Variants in ZNF444 observed in about 807,000 individuals in gnomAD.
The protein encoded by ZNF444 is zinc finger protein 444.
In ZNF444, 8 loss-of-function variants were observed where a neutral mutation model predicts 14.4. The ratio of observed to expected loss-of-function variants is 0.56; its 90% CI spans 0.33 to 1.00. The LOEUF (loss-of-function observed/expected upper bound fraction) is 1.00. Ranked by LOEUF, ZNF444 falls within the 50% of genes least tolerant of loss-of-function variation. The probability of loss-of-function intolerance (pLI) is 0.03; values close to 1 mark genes in which losing one functional copy is unlikely to be tolerated. For synonymous variants in ZNF444, 258 were observed against 235.9 expected (o/e 1.09, Z -0.86); for missense variants, 510 against 504.8 (o/e 1.01, Z -0.10).
intron 1 of ZNF444, among the ~76,000 whole-genome samples, chr19:56,133,565 C>G (rs2030540579): frequency 1.3e-5 from 2 of 151,384 alleles, no homozygotes. Context: ...GTAATCCCAG[C>G]ACTTCGGGAG....
At chr19:56,150,316 C>T (rs1347711318) in intron 3 of ZNF444, 4 of 233,832 alleles carry the variant, frequency 1.7e-5, no homozygotes, top group South Asian at 5.5e-5. Context: ...ATCTTCCATT[C>T]GGGGATGCAG....
chr19:56,159,649 G>A lies in ZNF444; in HGVS notation c.432G>A (p.Gly144=). The A allele has an allele frequency of 1.4e-6, 2 of 1,457,678 alleles. No individual in the cohort carries two copies. Among genetic ancestry groups the A allele is most frequent in the Middle Eastern group, 1.9e-4 (1 of 5,248 alleles). 90.3% of individuals were successfully genotyped at this position (1,457,678 alleles called of 1,614,324 possible). ...PLAGTAPGAE[G]PAPGDSQAVR... ...CAGGCACCGCCCCTGGGGCTGAGGGGCCGGCGCCTGGGGACTCCCAGGCTG... is the reference window on the plus strand; with the variant it reads ...CAGGCACCGCCCCTGGGGCTGAGGGACCGGCGCCTGGGGACTCCCAGGCTG... The change falls in exon 5 of 5, where the codon GGG becomes GGA. Residue 144 remains glycine, a synonymous_variant. Coordinates refer to ENST00000337080, the MANE Select transcript of ZNF444 (RefSeq NM_018337.4).
intron 1 of ZNF444, among the ~76,000 whole-genome samples, chr19:56,133,218 G>A (rs1185911040): frequency 4.9e-5 from 7 of 142,440 alleles, no homozygotes; most frequent in African/African-American, 1.8e-4. Context: ...GATTACAGGC[G>A]CACACCACCA....
chr19:56,159,023 C>T (rs978669504), intron 4 of ZNF444, among the ~76,000 whole-genome samples: 2 of 151,590 alleles, frequency 1.3e-5, no homozygotes, highest in Non-Finnish European at 2.9e-5. Context: ...CACCCATGCA[C>T]CCACCCATCC....
At chr19:56,140,145 T>C (rs900010461), upstream of ZNF444, among the ~76,000 whole-genome samples, 4 of 152,298 alleles carry the variant, frequency 2.6e-5, no homozygotes, top group Non-Finnish European at 4.4e-5. Context: ...ACAACTTCCA[T>C]GTAATGAATG....
At chr19:56,139,873 C>T (rs1444344020), upstream of ZNF444, among the ~76,000 whole-genome samples, 2 of 152,086 alleles carry the variant, frequency 1.3e-5, no homozygotes, top group South Asian at 2.1e-4. Context: ...CTACTGCCCA[C>T]CTTAGGTTTG....
At chr19:56,148,502 C>T (rs980246404) in intron 3 of ZNF444, among the ~76,000 whole-genome samples, 1 of 152,174 alleles carries the variant, frequency 6.6e-6, no homozygotes, top group South Asian at 2.1e-4. Flanking sequence ...GGCCTTCCTT[C>T]CTTCCAGAGG....
chr19:56,153,982 C>T (rs970460969), intron 3 of ZNF444, among the ~76,000 whole-genome samples: 3 of 152,148 alleles, frequency 2.0e-5, no homozygotes, highest in African/African-American at 7.2e-5. Flanking sequence ...AAACCTTCAG[C>T]AAGTTGACTA....
At chr19:56,143,296 TGTA>T (rs1227272682) in intron 1 of ZNF444, 1 of 152,234 alleles carries the variant, frequency 6.6e-6, no homozygotes, top group East Asian at 1.9e-4. Context: ...CAGCCCAGGG[TGTA>T]GTGACCTGTG....
rs971005556 is a variant in ZNF444 at position 56,145,312 on chromosome 19, G to A, written c.-196-935G>A. ...TTAAAAATGGCAATCACGGCTGGGC[G>A]TGGTGGCTCATGCCGGTAATCCCAG... is the stretch of plus-strand genomic sequence containing the variant. On this transcript the variant is annotated intron_variant, in intron 1 of 4. Transcript: ENST00000337080. This position sits in a 1 kb window ranked among gnomAD's most constrained non-coding sequence, Gnocchi z 4.3. Among the ~76,000 whole-genome samples the A allele has an allele frequency of 2.6e-5, 4 of 152,218 alleles. No individual in the cohort carries two copies. The highest frequency in any genetic ancestry group is 7.2e-5 in the African/African-American group (3 of 41,462).
chr19:56,158,632 G>C, intron 4 of ZNF444, 30 bp downstream of exon 4: 2 of 1,566,356 alleles, frequency 1.3e-6, no homozygotes, highest in Non-Finnish European at 1.7e-6. Context: ...GGTTCTCCCC[G>C]CCAGCCCCCA....
At chr19:56,152,732 C>G (rs1023692912) in intron 3 of ZNF444, among the ~76,000 whole-genome samples, 11 of 151,968 alleles carry the variant, frequency 7.2e-5, no homozygotes, top group Admixed American at 7.2e-4. Flanking sequence ...GTGAGGGTCT[C>G]CTGCTGGTTC....
At chr19:56,137,385 G>A (rs955061584), upstream of ZNF444, among the ~76,000 whole-genome samples, 7 of 151,930 alleles carry the variant, frequency 4.6e-5, no homozygotes, top group African/African-American at 1.2e-4. Context: ...TGGAAGAATC[G>A]CTTAAGCCTG....
upstream of ZNF444, among the ~76,000 whole-genome samples, chr19:56,139,926 A>G (rs1014700798): frequency 6.6e-6 from 1 of 152,152 alleles, no homozygotes; most frequent in African/African-American, 2.4e-5. Context: ...CAAGTAGGCC[A>G]TCGGATATGA....
At chr19:56,133,804 C>G (rs911500059) in intron 1 of ZNF444, among the ~76,000 whole-genome samples, 4 of 88,498 alleles carry the variant, frequency 4.5e-5, no homozygotes, top group Non-Finnish European at 1.0e-4. Flanking sequence ...CAGAGCAAGA[C>G]TCCATCTCAA....
At chr19:56,158,749 G>A in intron 4 of ZNF444, 147 bp downstream of exon 4, 1 of 663,382 alleles carries the variant, frequency 1.5e-6, no homozygotes, top group Non-Finnish European at 2.5e-6. Flanking sequence ...CCAAGGGGCG[G>A]GCATTGGGGG....
At chr19:56,137,367 G>A (rs1344659736), upstream of ZNF444, among the ~76,000 whole-genome samples, 1 of 151,990 alleles carries the variant, frequency 6.6e-6, no homozygotes, top group Non-Finnish European at 1.5e-5. Flanking sequence ...CTATTCAGGA[G>A]TCTGAGGTGG....
Position 56,147,037 on chromosome 19 carries a change from C to T in ZNF444, c.126C>T (p.Arg42=). ...PGPREALGLL[R]ALCRDWLRPE... is the part of the protein sequence containing the mutation. ...CGCGGGAGGCGCTGGGGCTGCTCCGCGCCCTGTGCCGGGACTGGCTGCGGC... is the reference window on the plus strand; with the variant it reads ...CGCGGGAGGCGCTGGGGCTGCTCCGTGCCCTGTGCCGGGACTGGCTGCGGC... The change falls in exon 3 of 5, where the codon CGC becomes CGT. Residue 42 remains arginine (R), a synonymous_variant. Coordinates refer to ENST00000337080, the MANE Select transcript of ZNF444 (RefSeq NM_018337.4). The surrounding 1 kb of genome is among the most constrained non-coding windows in gnomAD (Gnocchi z 5.9). 2 of 1,538,938 alleles carry T rather than the reference C, an allele frequency of 1.3e-6. No homozygotes were observed. Among genetic ancestry groups the T allele is most frequent in the Non-Finnish European group, 8.7e-7 (1 of 1,150,136 alleles).
chr19:56,146,463 G>T (rs535099175), intron 2 of ZNF444, 43 bp downstream of exon 2: 88 of 155,444 alleles, frequency 5.7e-4, no homozygotes, highest in South Asian at 1.2e-3. Context: ...CACAGAGGCC[G>T]GGCCTATCCT....
Sources: allele counts gnomAD v4.1 joint callset (sites outside exome capture counted in the v4.1 genomes callset), GRCh38; gene constraint gnomAD v4.1.1; non-coding constraint Gnocchi (gnomAD v3.1); transcripts MANE v1.5; gene names NCBI Gene and HGNC (gene_info 2026-07-23, HGNC 2026-07-21).